NIBAN1: variants seen among roughly 807,000 people sequenced by gnomAD.
NIBAN1 encodes protein Niban 1.
In NIBAN1, 81 loss-of-function variants were observed where a neutral mutation model predicts 75.1. The observed-to-expected ratio is 1.08, with a 90% CI of 0.90 to 1.30. The LOEUF (loss-of-function observed/expected upper bound fraction) is 1.30. Ranked by LOEUF, NIBAN1 falls within the 50% of genes most tolerant of loss-of-function variation. The pLI is 0.00. For synonymous variants in NIBAN1, 436 were observed against 424.8 expected (o/e 1.03, Z -0.32); for missense variants, 1,133 against 1,128.1 (o/e 1.00, Z -0.06).
At chr1:184,857,924 T>A (rs1008948174) in intron 5 of NIBAN1, among the ~76,000 whole-genome samples, 2 of 151,454 alleles carry the variant, frequency 1.3e-5, no homozygotes, top group African/African-American at 4.9e-5. Flanking sequence ...GAAACTCAAA[T>A]GTTAAAAAAA....
chr1:184,801,644 G>A (rs1654045452), intron 12 of NIBAN1, among the ~76,000 whole-genome samples: 1 of 152,202 alleles, frequency 6.6e-6, no homozygotes, highest in African/African-American at 2.4e-5. Context: ...TCTTCCCCAT[G>A]AGGCAACTGC....
intron 1 of NIBAN1, among the ~76,000 whole-genome samples, chr1:184,952,019 C>T (rs531773645): frequency 6.6e-6 from 1 of 152,344 alleles, no homozygotes; most frequent in South Asian, 2.1e-4. Context: ...GGGATTTAGT[C>T]TGCTTTGTTC....
intron 1 of NIBAN1, among the ~76,000 whole-genome samples, chr1:184,942,173 T>C: frequency 6.6e-6 from 1 of 152,236 alleles, no homozygotes; most frequent in Non-Finnish European, 1.5e-5. Context: ...CTCAGGGAGC[T>C]GATAGAGATC....
At chr1:184,937,145 CT>C (rs138240427) in intron 1 of NIBAN1, among the ~76,000 whole-genome samples, 12,266 of 92,030 alleles carry the variant, frequency 0.13, 624 homozygotes, top group African/African-American at 0.34. Flanking sequence ...TAGCTGGATT[CT>C]TTTTTTTTTT....
intron 1 of NIBAN1, among the ~76,000 whole-genome samples, chr1:184,967,298 C>T (rs147041105): frequency 1.8e-3 from 272 of 151,920 alleles, no homozygotes; most frequent in African/African-American, 6.4e-3. Context: ...CAGACTGTAG[C>T]AGATGAATTG....
chr1:184,932,955 G>A (rs1340031019), intron 1 of NIBAN1, among the ~76,000 whole-genome samples: 1 of 152,092 alleles, frequency 6.6e-6, no homozygotes, highest in Non-Finnish European at 1.5e-5. Context: ...AATTATAATG[G>A]TAAACTCTCA....
intron 1 of NIBAN1, among the ~76,000 whole-genome samples, chr1:184,947,679 G>A (rs182653482): frequency 6.6e-5 from 10 of 152,364 alleles, no homozygotes; most frequent in Non-Finnish European, 1.2e-4. Flanking sequence ...CCAGAGGCCA[G>A]AGAGAGCTGG....
rs141263593 is a variant in NIBAN1, at chr1:184,910,080, T to C, written c.56-10771A>G. ...TGCTCTTCCATAAGGTGAGTTCACC[T>C]AGCACTTAATAAATGTGCTGGAATC... On this transcript the variant is annotated intron_variant, in intron 1 of 13. Coordinates refer to ENST00000367511, the MANE Select transcript of NIBAN1 (RefSeq NM_052966.4). Among the ~76,000 whole-genome samples the C allele has an allele frequency of 7.9e-3, 1,203 of 152,262 alleles. 8 individuals are homozygous for C. Among genetic ancestry groups the C allele is most frequent in the Non-Finnish European group, 0.011 (759 of 68,022 alleles).
chr1:184,969,948 T>C (rs1658894092), intron 1 of NIBAN1, among the ~76,000 whole-genome samples: 1 of 151,906 alleles, frequency 6.6e-6, no homozygotes, highest in South Asian at 2.1e-4. Flanking sequence ...GGTGGCTCAC[T>C]TGAGCTCAGG....
intron 5 of NIBAN1, among the ~76,000 whole-genome samples, chr1:184,866,673 C>T (rs1032849351): frequency 9.9e-5 from 15 of 152,024 alleles, no homozygotes; most frequent in Non-Finnish European, 1.9e-4. Context: ...ATGAAGAGAA[C>T]AGTACTGTGT....
chr1:184,826,113 C>A (rs78205479), intron 6 of NIBAN1, among the ~76,000 whole-genome samples: 423 of 152,282 alleles, frequency 2.8e-3, no homozygotes, highest in African/African-American at 9.7e-3. Flanking sequence ...GACGAGCTAT[C>A]CAGTCCCACT....
intron 5 of NIBAN1, among the ~76,000 whole-genome samples, chr1:184,843,852 T>C (rs889791384): frequency 6.6e-6 from 1 of 152,192 alleles, no homozygotes; most frequent in Non-Finnish European, 1.5e-5. Context: ...CACCATATAA[T>C]GTTTTACAGG....
intron 1 of NIBAN1, among the ~76,000 whole-genome samples, chr1:184,971,026 C>T (rs1658922627): frequency 1.3e-5 from 2 of 152,084 alleles, no homozygotes; most frequent in South Asian, 4.1e-4. Context: ...TGACTCATGC[C>T]TGTAATCCCA....
At chr1:184,860,723 A>C (rs1052514810) in intron 5 of NIBAN1, among the ~76,000 whole-genome samples, 1 of 152,172 alleles carries the variant, frequency 6.6e-6, no homozygotes, top group African/African-American at 2.4e-5. Flanking sequence ...CACAGATCCT[A>C]AGTGGTGGAG....
chr1:184,900,279 G>A (rs1571558638), intron 1 of NIBAN1, among the ~76,000 whole-genome samples: 1 of 152,098 alleles, frequency 6.6e-6, no homozygotes, highest in African/African-American at 2.4e-5. Flanking sequence ...GAGACAGAGG[G>A]GGAAACTTTG....
At chr1:184,801,080 T>C (rs981698212) in intron 12 of NIBAN1, among the ~76,000 whole-genome samples, 2 of 152,172 alleles carry the variant, frequency 1.3e-5, no homozygotes, top group Non-Finnish European at 2.9e-5. Flanking sequence ...TCAGTAATCC[T>C]TGCACCTGGT....
intron 1 of NIBAN1, among the ~76,000 whole-genome samples, chr1:184,902,545 C>T (rs1656979866): frequency 6.6e-6 from 1 of 152,054 alleles, no homozygotes; most frequent in Admixed American, 6.6e-5. Context: ...GGATAAAGTC[C>T]TCAAGCTGAA....
At chr1:184,929,186 C>A (rs139378307) in intron 1 of NIBAN1, among the ~76,000 whole-genome samples, 3,461 of 152,214 alleles carry the variant, frequency 0.023, 55 homozygotes, top group Middle Eastern at 0.045. Flanking sequence ...CCCAGCCAGT[C>A]CTTTTCTAAA....
chr1:184,877,940 A>G (rs1214212409), intron 5 of NIBAN1, among the ~76,000 whole-genome samples: 2 of 152,004 alleles, frequency 1.3e-5, no homozygotes, highest in East Asian at 1.9e-4. Context: ...ATGAACTTTA[A>G]CTCTGCTTAT....
Sources: gnomAD v4.1 joint callset for allele counts (sites outside exome capture counted in the v4.1 genomes callset) on GRCh38, gnomAD v4.1.1 for gene constraint, MANE v1.5 for transcripts, NCBI Gene and HGNC (gene_info 2026-07-23, HGNC 2026-07-21) for gene names.